The following SAMMSON variants were observed in gnomAD, a reference collection of about 807,000 sequenced individuals.
The protein encoded by SAMMSON is long intergenic non-protein coding RNA 1212.
At chr3:70,410,114 T>C (rs1701206423) in intron 2 of SAMMSON, among the ~76,000 whole-genome samples, 2 of 152,190 alleles carry the variant, frequency 1.3e-5, no homozygotes, top group Non-Finnish European at 2.9e-5. Flanking sequence ...AAAAATCTTT[T>C]CCCCCTAAAC....
At chr3:70,252,850 C>A (rs1701782027) in intron 6 of SAMMSON, among the ~76,000 whole-genome samples, 1 of 151,794 alleles carries the variant, frequency 6.6e-6, no homozygotes, top group Non-Finnish European at 1.5e-5. Flanking sequence ...GAGGCTGAGG[C>A]AGGCAGATCA....
chr3:70,130,332 A>G (rs1458085212), intron 4 of SAMMSON, among the ~76,000 whole-genome samples: 1 of 152,202 alleles, frequency 6.6e-6, no homozygotes, highest in Non-Finnish European at 1.5e-5. Context: ...TGCTGCAATA[A>G]GACTTGAGGG....
intron 7 of SAMMSON, chr3:70,312,745 G>GT (rs57771147): frequency 0.36 from 53,158 of 148,742 alleles, 9,668 homozygotes; most frequent in East Asian, 0.63. Flanking sequence ...TTTTTTTTGT[G>GT]TTTTTTTTTT....
intron 3 of SAMMSON, among the ~76,000 whole-genome samples, chr3:70,026,351 A>ATT (rs1056992119): frequency 1.3e-5 from 2 of 152,024 alleles, no homozygotes; most frequent in Admixed American, 6.6e-5. Flanking sequence ...TATTTTATTC[A>ATT]TTTTTTTCCA....
intron 4 of SAMMSON, chr3:70,126,182 G>A: frequency 8.7e-7 from 1 of 1,151,438 alleles, no homozygotes; most frequent in Non-Finnish European, 1.3e-6. Context: ...CCATGGTTTG[G>A]TGTAATTACA....
chr3:70,083,291 TATC>T (rs1477348201), intron 4 of SAMMSON, among the ~76,000 whole-genome samples: 2 of 152,196 alleles, frequency 1.3e-5, no homozygotes, highest in Non-Finnish European at 2.9e-5. Context: ...TTATGGGGGA[TATC>T]ATTACTCTGA....
chr3:70,393,931 A>G (rs1038689712), downstream of SAMMSON, among the ~76,000 whole-genome samples: 1 of 152,212 alleles, frequency 6.6e-6, no homozygotes, highest in African/African-American at 2.4e-5. Flanking sequence ...ATTTTTAAAA[A>G]GACGACTTTG....
intron 6 of SAMMSON, among the ~76,000 whole-genome samples, chr3:70,262,544 C>G (rs188734482): frequency 1.7e-3 from 259 of 152,186 alleles, no homozygotes; most frequent in African/African-American, 6.0e-3. Context: ...GCCTTATTTA[C>G]TGTCATAATA....
In SAMMSON at chr3:70,060,731, C is replaced by G. The variant is rs556109924; in HGVS notation, n.418-10745C>G. 2.0e-5 allele frequency among the ~76,000 whole-genome samples: 3 copies of G among 152,242 alleles called. No individual in the cohort carries two copies. The South Asian group carries it at 6.2e-4, about 32-fold the overall frequency. ...GACAGTCCCCACAGCAAAGAATGAT[C>G]TGGCCCAACATGTCAATAGTGCTTC... On this transcript the variant is annotated intron_variant and non_coding_transcript_variant, in intron 3 of 9. Transcript: ENST00000642114.
At chr3:70,139,813 G>T (rs1348850824) in intron 4 of SAMMSON, among the ~76,000 whole-genome samples, 8 of 152,116 alleles carry the variant, frequency 5.3e-5, no homozygotes, top group Admixed American at 1.3e-4. Context: ...AATAGAGTGT[G>T]CAATACATCT....
intron 4 of SAMMSON, chr3:70,205,676 G>C (rs1701283184): frequency 6.6e-6 from 1 of 152,032 alleles, no homozygotes; most frequent in African/African-American, 2.4e-5. Context: ...AGACTTCAGA[G>C]GCAGAAGTGA....
rs145013227 is a variant in SAMMSON, at chr3:70,258,552, A to G, written n.674+8882A>G. ...TAGAGTCTCATTTTTTTAAGTTAGT[A>G]TGATCTGAATTTCTATCCATTGTAA... On this transcript the variant is annotated intron_variant and non_coding_transcript_variant, in intron 6 of 9. Coordinates refer to ENST00000642114, the Ensembl canonical transcript of SAMMSON. Among the ~76,000 whole-genome samples the G allele has an allele frequency of 4.6e-5, 7 of 152,260 alleles. No homozygotes were observed. In the East Asian group the frequency reaches 1.2e-3, roughly 25 times the overall value.
chr3:70,052,589 G>A (rs2067150528), intron 3 of SAMMSON, among the ~76,000 whole-genome samples: 1 of 152,146 alleles, frequency 6.6e-6, no homozygotes, highest in African/African-American at 2.4e-5. Context: ...AACATTTGGT[G>A]GTGGTAAGTG....
At chr3:70,190,632 A>G (rs1701124498) in intron 4 of SAMMSON, among the ~76,000 whole-genome samples, 1 of 152,212 alleles carries the variant, frequency 6.6e-6, no homozygotes, top group Non-Finnish European at 1.5e-5. Flanking sequence ...AGATACTTTT[A>G]TTCACAGAAT....
intron 4 of SAMMSON, among the ~76,000 whole-genome samples, chr3:70,113,030 C>T (rs1462188982): frequency 6.6e-6 from 1 of 152,086 alleles, no homozygotes; most frequent in Non-Finnish European, 1.5e-5. Flanking sequence ...CGCTTTATAA[C>T]ATCAAATTGA....
At chr3:70,122,667 T>G (rs2067440012) in intron 4 of SAMMSON, among the ~76,000 whole-genome samples, 1 of 152,256 alleles carries the variant, frequency 6.6e-6, no homozygotes, top group South Asian at 2.1e-4. Flanking sequence ...TGAAAAGCTG[T>G]GAAACAGAAG....
chr3:70,253,239 A>G (rs1020251974), intron 6 of SAMMSON, among the ~76,000 whole-genome samples: 1 of 152,194 alleles, frequency 6.6e-6, no homozygotes, highest in Non-Finnish European at 1.5e-5. Flanking sequence ...CTTTTAGTGA[A>G]GTCCTGAAAG....
At chr3:70,281,641 C>G (rs977657349) in intron 6 of SAMMSON, among the ~76,000 whole-genome samples, 1 of 152,220 alleles carries the variant, frequency 6.6e-6, no homozygotes, top group Middle Eastern at 3.4e-3. Flanking sequence ...TTTTATGTCT[C>G]TCGGTATTTA....
intron 4 of SAMMSON, among the ~76,000 whole-genome samples, chr3:70,157,625 G>A (rs540728551): frequency 2.6e-5 from 4 of 152,122 alleles, no homozygotes; most frequent in South Asian, 4.1e-4. Context: ...AGGGGTAATC[G>A]TTTAACAAAA....
Sources: allele counts gnomAD v4.1 joint callset (sites outside exome capture counted in the v4.1 genomes callset), GRCh38; gene constraint gnomAD v4.1.1; transcripts MANE v1.5; gene names NCBI Gene and HGNC (gene_info 2026-07-23, HGNC 2026-07-21).